KMT2D: variants seen among roughly 807,000 people sequenced by gnomAD.
The protein encoded by KMT2D is histone-lysine N-methyltransferase 2D.
In KMT2D, 55 loss-of-function variants were observed where a neutral mutation model predicts 512.7. That is an observed-to-expected ratio of 0.11 (90% CI 0.09 to 0.13). KMT2D has a LOEUF of 0.13. KMT2D is among the 10% of genes least tolerant of loss of function. The probability of loss-of-function intolerance (pLI) is 1.00; values close to 1 mark genes in which losing one functional copy is unlikely to be tolerated. For missense variants in KMT2D, 6,061 were observed against 7,127.9 expected (o/e 0.85, Z 5.39); for synonymous variants, 2,995 against 2,904.0 (o/e 1.03, Z -1.01).
At position 49,026,293 on chromosome 12, in the gene KMT2D, G is replaced by A. The variant is rs1942584412; in HGVS notation, c.15673C>T (p.Arg5225Cys). 6.2e-7 allele frequency: 1 copy of A among 1,611,864 alleles called. No individual in the cohort carries two copies. The highest frequency in any genetic ancestry group is 8.5e-7 in the Non-Finnish European group (1 of 1,178,052). Reference sequence around the variant, plus strand: ...CCAATAGAACAGCGATAGCAGCAGCGACGATTGTTGGTGCGGAGGCTCCAA... The same window carrying A: ...CCAATAGAACAGCGATAGCAGCAGCAACGATTGTTGGTGCGGAGGCTCCAA... ...IYWSLRTNNR[R>C]CCYRCSIGEN... Residue 5225 changes from arginine to cysteine, a missense_variant, in exon 49 of 55, where the codon CGC becomes TGC. Physicochemically the swap from Arg to Cys is radical, Grantham distance 180. Transcript: ENST00000301067. This position sits in a 1 kb window ranked among gnomAD's most constrained non-coding sequence, Gnocchi z 9.6.
intron 12 of KMT2D, among the ~76,000 whole-genome samples, chr12:49,049,425 G>A (rs1275569003): frequency 6.6e-6 from 1 of 152,204 alleles, no homozygotes; most frequent in Non-Finnish European, 1.5e-5. Flanking sequence ...TCCCAAGAGT[G>A]GTTGAGATGG....
chr12:49,053,200 C>T lies in KMT2D; in HGVS notation c.954+7G>A. The T allele has an allele frequency of 1.9e-6, 3 of 1,611,564 alleles. No homozygotes were observed. The highest frequency in any genetic ancestry group is 1.7e-6 in the Non-Finnish European group (2 of 1,177,638). The stretch of plus-strand genomic sequence containing the variant: ...GGGACAATAGGGCAGAATCAGGGTA[C>T]ACTCACCTTGCACTTCCAAGAGTGA... On this transcript the variant is annotated splice_region_variant and intron_variant, in intron 8 of 54. Transcript: ENST00000301067.
At position 49,038,669 on chromosome 12, in the gene KMT2D, G is replaced by A. The variant is rs2120502037; in HGVS notation, c.8687C>T (p.Pro2896Leu). The A allele has an allele frequency of 6.2e-7, 1 of 1,612,978 alleles. No individual in the cohort carries two copies. Among genetic ancestry groups the A allele is most frequent in the Non-Finnish European group, 8.5e-7 (1 of 1,179,794 alleles). The change falls in exon 35 of 55, where the codon CCT becomes CTT. Residue 2896 changes from proline to leucine, a missense_variant. Around this residue, in one of 16 missense-constraint regions of KMT2D, gnomAD observed 527 missense variants for 578.9 expected, o/e 0.91. Coordinates refer to ENST00000301067, the MANE Select transcript of KMT2D (RefSeq NM_003482.4). The surrounding 1 kb of genome is among the most constrained non-coding windows in gnomAD (Gnocchi z 5.7). Reference sequence around the variant, plus strand: ...GGGTCTCTGAGGTGGGCCCTGACCAGGAAACGGAGTGCCCCCAGGTCCCAG... The same window carrying A: ...GGGTCTCTGAGGTGGGCCCTGACCAAGAAACGGAGTGCCCCCAGGTCCCAG... ...KGLGPGGTPF[P>L]GQGPPQRPRF...
chr12:49,053,694 G>A lies in KMT2D; in HGVS notation c.674-53C>T, dbSNP rs564523745. 750 of 1,531,954 alleles carry A rather than the reference G, an allele frequency of 4.9e-4. 3 individuals are homozygous for A. In the Middle Eastern group the frequency reaches 5.2e-3, roughly 11 times the overall value. The allele number at this position is 1,531,954 out of a possible 1,614,324, so 94.9% of individuals were successfully genotyped here. A position where few individuals can be genotyped will look rare whatever the true frequency, so the allele number is the denominator to read the frequency against. On this transcript the variant is annotated intron_variant, in intron 6 of 54. Coordinates refer to ENST00000301067, the MANE Select transcript of KMT2D (RefSeq NM_003482.4). ...AGCTATGGATTCCTTGTAAGCCTCA[G>A]CACATTGCTGTACACAAAACAGGCA...
chr12:49,056,378 G>A (rs1938411437), intron 1 of KMT2D, among the ~76,000 whole-genome samples: 1 of 151,768 alleles, frequency 6.6e-6, no homozygotes, highest in Non-Finnish European at 1.5e-5. Context: ...ACACACTAAA[G>A]TTATACCTAA....
Position 49,041,883 on chromosome 12 carries a change from T to G in KMT2D, c.6183+34A>C. On this transcript the variant is annotated intron_variant, in intron 30 of 54. Coordinates refer to ENST00000301067, the MANE Select transcript of KMT2D (RefSeq NM_003482.4). This position sits in a 1 kb window ranked among gnomAD's most constrained non-coding sequence, Gnocchi z 5.4. ...CCAAAGATCCCTCCCTCCCTCTCAG[T>G]TCCCACGCTAATCCATGCTCCTTTC... 6.3e-7 allele frequency: 1 copy of G among 1,576,656 alleles called. No individual in the cohort carries two copies. The highest frequency in any genetic ancestry group is 8.6e-7 in the Non-Finnish European group (1 of 1,157,906).
intron 43 of KMT2D, 140 bp downstream of exon 43, chr12:49,030,140 C>T: frequency 1.5e-6 from 1 of 671,560 alleles, no homozygotes; most frequent in Non-Finnish European, 2.5e-6. Context: ...CCTGAAAGGG[C>T]CCTTCCTACC....
At position 49,051,490 on chromosome 12, in the gene KMT2D, C is replaced by T. The variant is rs759469160; in HGVS notation, c.2193G>A (p.Glu731=). 6.8e-6 allele frequency: 11 copies of T among 1,613,712 alleles called. No individual in the cohort carries two copies. The highest frequency in any genetic ancestry group is 9.3e-6 in the Non-Finnish European group (11 of 1,179,760). The part of the protein sequence containing the change: ...EESPLLPLPE[E]PQLCPRSEGP... The stretch of plus-strand genomic sequence containing the variant: ...CCTCGGACCGGGGGCAGAGTTGCGG[C>T]TCCTCAGGTAGTGGCAACAGGGGTG... Residue 731 remains glutamate, a synonymous_variant, in exon 11 of 55, where the codon GAG becomes GAA. Transcript: ENST00000301067.
chr12:49,029,510 G>T, intron 43 of KMT2D, 34 bp from the exon 44 acceptor site: 1 of 1,514,070 alleles, frequency 6.6e-7, no homozygotes, highest in Non-Finnish European at 9.0e-7. Context: ...AAAGTCAGGT[G>T]AGGGTGGCCA....
rs2120644150 is a variant in KMT2D, at chr12:49,049,998, G to A, written c.3590C>T (p.Pro1197Leu). Residue 1197 changes from proline (P) to leucine (L), a missense_variant, in exon 12 of 55, where the codon CCC becomes CTC. Pro to Leu is a moderately conservative substitution (Grantham distance 98). Transcript: ENST00000301067. Reference sequence around the variant, plus strand: ...AACGATGTCGGATTTGATGAGAGTGGGTGGTGTGGGGGCCACCGGTGCACG... The same window carrying A: ...AACGATGTCGGATTTGATGAGAGTGAGTGGTGTGGGGGCCACCGGTGCACG... ...EPRAPVAPTP[P>L]TLIKSDIVNE... 1 of 1,613,960 alleles carries A rather than the reference G, an allele frequency of 6.2e-7. No individual in the cohort carries two copies. The highest frequency in any genetic ancestry group is 8.5e-7 in the Non-Finnish European group (1 of 1,179,904).
rs772742966 is a variant in KMT2D, at chr12:49,039,283, C to T, written c.8305G>A (p.Asp2769Asn). 9.9e-6 allele frequency: 16 copies of T among 1,613,538 alleles called. No homozygotes were observed. Among genetic ancestry groups the T allele is most frequent in the East Asian group, 2.2e-5 (1 of 44,886 alleles). The change falls in exon 34 of 55, where the codon GAT becomes AAT. Residue 2769 changes from aspartate to asparagine, a missense_variant. Asp to Asn is a conservative substitution (Grantham distance 23). Transcript: ENST00000301067. This position sits in a 1 kb window ranked among gnomAD's most constrained non-coding sequence, Gnocchi z 5.0. ...PILGPGSFPS[D>N]DRLSRPPPPA... The stretch of plus-strand genomic sequence containing the variant: ...GGAGGTGGCCGGGAGAGTCGGTCAT[C>T]GCTAGGGAAGGACCCTGGCCCCAGG...
Position 49,053,636 on chromosome 12 carries a change from C to G in KMT2D, c.679G>C (p.Ala227Pro), listed in dbSNP as rs2120699263. 6.3e-7 allele frequency: 1 copy of G among 1,592,588 alleles called. No individual in the cohort carries two copies. The highest frequency in any genetic ancestry group is 1.1e-5 in the South Asian group (1 of 87,434). ...GGCCCCTCACACACTGCACAGCGAG[C>G]CTCCTCTGCAGGGGGTAGAGACACC... ...HSEGAAYLEE[A>P]RCAVCEGPGE... Residue 227 changes from alanine to proline, a missense_variant, in exon 7 of 55, where the codon GCT becomes CCT. This residue lies in a region of KMT2D where 160 missense variants were observed against 225.8 expected (regional missense o/e 0.71). Coordinates refer to ENST00000301067, the MANE Select transcript of KMT2D (RefSeq NM_003482.4).
In KMT2D at chr12:49,060,266, C is replaced by A. The variant is rs569377239; in HGVS notation, c.-691G>T. Among the ~76,000 whole-genome samples the A allele has an allele frequency of 1.9e-3, 287 of 152,190 alleles. 1 individual carries two copies. The highest frequency in any genetic ancestry group is 6.6e-3 in the African/African-American group (274 of 41,554). ...GCTTCGAGCCCCCCACCTTCTGCTC[C>A]CCCCGGGGAAGGGAGGAGGCTAGGT... On this transcript the variant is annotated 5_prime_UTR_variant, in exon 1 of 55. Coordinates refer to ENST00000301067, the MANE Select transcript of KMT2D (RefSeq NM_003482.4).
rs766203300 is a variant in KMT2D, at chr12:49,037,679, G to A, written c.9677C>T (p.Pro3226Leu). Residue 3226 changes from proline to leucine, a missense_variant, in exon 35 of 55, where the codon CCT (proline) becomes CTT (leucine). Physicochemically the swap from Pro to Leu is moderately conservative, Grantham distance 98 (BLOSUM62 -3). This residue lies in a region of KMT2D where 533 missense variants were observed against 539.6 expected (regional missense o/e 0.99). Transcript: ENST00000301067. ...ESGALTLPGG[P>L]AASGDELDKM... ...GTCTAGCTCATCCCCAGATGCTGCA[G>A]GTCCACCAGGCAAGGTCAAAGCCCC... 6.3e-7 allele frequency: 1 copy of A among 1,584,228 alleles called. No individual in the cohort carries two copies. The highest frequency in any genetic ancestry group is 8.6e-7 in the Non-Finnish European group (1 of 1,165,128).
rs143441910 is a variant in KMT2D at position 49,050,552 on chromosome 12, A to C, written c.3036T>G (p.Ala1012=). Residue 1012 remains alanine, a synonymous_variant, in exon 12 of 55, where the codon GCT becomes GCG. Transcript: ENST00000301067. ...GAAGGGGCTCCATCAGGATGGGAGA[A>C]GCCGGCCCCACTGGGGAGCCTGGAG... The part of the protein sequence containing the change: ...PPSPGSPVGP[A]SPILMEPLPP... 1.2e-5 allele frequency: 20 copies of C among 1,604,938 alleles called. 1 individual carries two copies. The East Asian group carries it at 4.5e-4, about 36-fold the overall frequency.
intron 12 of KMT2D, 128 bp from the exon 13 acceptor site, chr12:49,049,346 G>A (rs1236302793): frequency 3.1e-6 from 2 of 650,510 alleles, no homozygotes; most frequent in Non-Finnish European, 5.2e-6. Flanking sequence ...TCCCACTCAG[G>A]GCAAGGGAAA....
At position 49,060,564 on chromosome 12, in the gene KMT2D, G is replaced by A. The variant is rs573016539; in HGVS notation, c.-989C>T. ...CGAGGCAGCCATTTGCAACCGGAGA[G>A]GAAAGTAGTGCAGCGCGGCGCCGCT... On this transcript the variant is annotated 5_prime_UTR_variant, in exon 1 of 55. Coordinates refer to ENST00000301067, the MANE Select transcript of KMT2D (RefSeq NM_003482.4). Among the ~76,000 whole-genome samples the A allele has an allele frequency of 3.3e-5, 5 of 152,330 alleles. No homozygotes were observed. In the South Asian group the frequency reaches 6.2e-4, roughly 19 times the overall value.
In KMT2D at chr12:49,033,911, C is replaced by T. The variant is rs775333379; in HGVS notation, c.10794G>A (p.Lys3598=). ...HTNLMAEYRN[K]QQQQQQQQQQ... The stretch of plus-strand genomic sequence containing the variant: ...GCTGCTGCTGCTGTTGTTGCTGCTG[C>T]TTGTTCCGATATTCTGCCATGAGAT... The change falls in exon 40 of 55, where the codon AAG becomes AAA. Residue 3598 remains lysine, a synonymous_variant. Transcript: ENST00000301067. 87 of 1,542,874 alleles carry T rather than the reference C, an allele frequency of 5.6e-5. No homozygotes were observed. Among genetic ancestry groups the T allele is most frequent in the Non-Finnish European group, 1.3e-5 (15 of 1,144,054 alleles).
Position 49,038,508 on chromosome 12 carries a change from G to T in KMT2D, c.8848C>A (p.Pro2950Thr), listed in dbSNP as rs1943332253. Residue 2950 changes from proline (P) to threonine (T), a missense_variant, in exon 35 of 55, where the codon CCC becomes ACC. By Grantham distance (38) the Pro-to-Thr change is conservative. Around this residue, in one of 16 missense-constraint regions of KMT2D, gnomAD observed 527 missense variants for 578.9 expected, o/e 0.91. Coordinates refer to ENST00000301067, the MANE Select transcript of KMT2D (RefSeq NM_003482.4). The surrounding 1 kb of genome is among the most constrained non-coding windows in gnomAD (Gnocchi z 5.7). ...PELNNSLHPT[P>T]HTKGPTLPTG... ...GGCAGGGTAGGACCCTTGGTGTGGGGTGTTGGATGAAGACTGTTGTTCAAT... is the reference window on the plus strand; with the variant it reads ...GGCAGGGTAGGACCCTTGGTGTGGGTTGTTGGATGAAGACTGTTGTTCAAT... 2 of 1,607,474 alleles carry T rather than the reference G, an allele frequency of 1.2e-6. No individual in the cohort carries two copies. The highest frequency in any genetic ancestry group is 2.2e-5 in the East Asian group (1 of 44,752).
Sources: allele counts gnomAD v4.1 joint callset (sites outside exome capture counted in the v4.1 genomes callset), GRCh38; gene constraint gnomAD v4.1.1; regional missense constraint gnomAD v4.1.1; non-coding constraint Gnocchi (gnomAD v3.1); transcripts MANE v1.5; gene names NCBI Gene and HGNC (gene_info 2026-07-23, HGNC 2026-07-21).